TRIM59: variants seen among roughly 807,000 people sequenced by gnomAD.
TRIM59 encodes the protein tripartite motif containing 59.
Under a neutral mutation model 32.2 loss-of-function variants are expected in TRIM59, and 14 were observed. That is an observed-to-expected ratio of 0.43 (90% CI 0.29 to 0.68). TRIM59 has a LOEUF of 0.68. Ranked by LOEUF, TRIM59 falls within the 30% of genes least tolerant of loss-of-function variation. TRIM59 has a pLI of 0.15. For synonymous variants in TRIM59, 163 were observed against 155.1 expected (o/e 1.05, Z -0.38); for missense variants, 471 against 463.3 (o/e 1.02, Z -0.15).
intron 2 of TRIM59, among the ~76,000 whole-genome samples, chr3:160,444,146 G>A (rs553613221): frequency 4.6e-5 from 7 of 151,478 alleles, no homozygotes; most frequent in Non-Finnish European, 8.8e-5. Context: ...ATATTGAGGG[G>A]GAAAATAAGG....
chr3:160,447,953 C>A (rs1719619181), intron 2 of TRIM59: 1 of 152,038 alleles, frequency 6.6e-6, no homozygotes, highest in African/African-American at 2.4e-5. Context: ...CGCAGAAAGT[C>A]TGAGAAACAA....
rs1014470778 is a variant in TRIM59, at chr3:160,436,165, T to C, written c.*1807A>G. 3 of 1,024,260 alleles carry C rather than the reference T, an allele frequency of 2.9e-6. No individual in the cohort carries two copies. The highest frequency in any genetic ancestry group is 9.9e-5 in the East Asian group (1 of 10,098). 63.4% of individuals were successfully genotyped at this position (1,024,260 alleles called of 1,614,324 possible). On this transcript the variant is annotated 3_prime_UTR_variant, in exon 3 of 3. Transcript: ENST00000309784. ...GTCTGATTCTAATAATAAATTGATATAATACAGTCATCTTAGTGTTAAGAC... is the reference window on the plus strand; with the variant it reads ...GTCTGATTCTAATAATAAATTGATACAATACAGTCATCTTAGTGTTAAGAC...
At chr3:160,441,368 A>G (rs773719150) in intron 2 of TRIM59, among the ~76,000 whole-genome samples, 1 of 152,222 alleles carries the variant, frequency 6.6e-6, no homozygotes, top group Non-Finnish European at 1.5e-5. Flanking sequence ...CTGTGTTAAT[A>G]CAGATTTTTG....
At chr3:160,442,575 A>C (rs538806650) in intron 2 of TRIM59, among the ~76,000 whole-genome samples, 7 of 151,938 alleles carry the variant, frequency 4.6e-5, no homozygotes, top group African/African-American at 1.7e-4. Context: ...AAAAAATAGG[A>C]AGCAAAAATC....
intron 1 of TRIM59, chr3:160,449,477 C>T: frequency 8.4e-7 from 1 of 1,190,132 alleles, no homozygotes; most frequent in Non-Finnish European, 1.1e-6. Flanking sequence ...CTCACCCTCG[C>T]CACCACAGAG....
At chr3:160,445,718 G>A (rs1719493860) in intron 2 of TRIM59, among the ~76,000 whole-genome samples, 1 of 148,686 alleles carries the variant, frequency 6.7e-6, no homozygotes, top group African/African-American at 2.5e-5. Context: ...AGATTGCAGT[G>A]AGCTGAGATC....
chr3:160,448,129 AAT>A (rs1434872102), intron 2 of TRIM59, among the ~76,000 whole-genome samples: 1 of 152,200 alleles, frequency 6.6e-6, no homozygotes, highest in Non-Finnish European at 1.5e-5. Flanking sequence ...TAAACTAAAA[AAT>A]AAAAATAAAA....
In TRIM59 at chr3:160,437,952, A is replaced by G; in HGVS notation, c.*20T>C. ...GCAATGTACAGAATAAGCCCATTTA[A>G]ACAATTCAGGTTGACATTTTCAATG... On this transcript the variant is annotated 3_prime_UTR_variant, in exon 3 of 3. Coordinates refer to ENST00000309784, the MANE Select transcript of TRIM59 (RefSeq NM_173084.3). 6.6e-7 allele frequency: 1 copy of G among 1,526,682 alleles called. No homozygotes were observed. The highest frequency in any genetic ancestry group is 8.7e-7 in the Non-Finnish European group (1 of 1,143,386). The allele number at this position is 1,526,682 out of a possible 1,614,324, so 94.6% of individuals were successfully genotyped here.
intron 2 of TRIM59, among the ~76,000 whole-genome samples, chr3:160,445,169 C>T (rs986115855): frequency 5.3e-5 from 8 of 151,970 alleles, no homozygotes; most frequent in Admixed American, 5.2e-4. Flanking sequence ...AATCCCAGCA[C>T]TGTGGAAGGC....
intron 2 of TRIM59, among the ~76,000 whole-genome samples, chr3:160,439,907 C>T (rs985114799): frequency 6.6e-6 from 1 of 152,146 alleles, no homozygotes; most frequent in African/African-American, 2.4e-5. Flanking sequence ...AACATTTTAA[C>T]ATTTAAGATG....
chr3:160,438,491 C>T lies in TRIM59; in HGVS notation c.693G>A (p.Gln231=). ...TTGTCAGTGCCATTAATTCAAGCTG[C>T]TGCTCTCGTATTTCCTTCATTCTTT... ...QIERMKEIRE[Q]QLELMALTIS... The change falls in exon 3 of 3, where the codon CAG becomes CAA. Residue 231 remains glutamine (Q), a synonymous_variant. Transcript: ENST00000309784. 1 of 1,613,090 alleles carries T rather than the reference C, an allele frequency of 6.2e-7. No homozygotes were observed.
chr3:160,437,599 C>A lies in TRIM59; in HGVS notation c.*373G>T, dbSNP rs1301624436. ...CCACATCAAAATAAAGGTATATGTT[C>A]TTTCAGGATTTTGCTATATATATAA... On this transcript the variant is annotated 3_prime_UTR_variant, in exon 3 of 3. Transcript: ENST00000309784. 1 of 988,854 alleles carries A rather than the reference C, an allele frequency of 1.0e-6. No individual in the cohort carries two copies. The highest frequency in any genetic ancestry group is 1.2e-6 in the Non-Finnish European group (1 of 832,414). 61.3% of individuals were successfully genotyped at this position (988,854 alleles called of 1,614,324 possible).
At position 160,436,835 on chromosome 3, in the gene TRIM59, G is replaced by A. The variant is rs1481672964; in HGVS notation, c.*1137C>T. On this transcript the variant is annotated 3_prime_UTR_variant, in exon 3 of 3. Coordinates refer to ENST00000309784, the MANE Select transcript of TRIM59 (RefSeq NM_173084.3). The stretch of plus-strand genomic sequence containing the variant: ...AAAAAAAAAAAAAAAAGATTAAGTT[G>A]TTGGTACTTTTGCATTAGCTTAAGG... 1 of 354,196 alleles carries A rather than the reference G, an allele frequency of 2.8e-6. No homozygotes were observed. Among genetic ancestry groups the A allele is most frequent in the African/African-American group, 2.5e-5 (1 of 40,408 alleles). The allele number at this position is 354,196 out of a possible 1,614,324, so 21.9% of individuals were successfully genotyped here. A position where few individuals can be genotyped will look rare whatever the true frequency, so the allele number is the denominator to read the frequency against.
chr3:160,436,077 T>C lies in TRIM59; in HGVS notation c.*1895A>G, dbSNP rs1382710560. On this transcript the variant is annotated 3_prime_UTR_variant, in exon 3 of 3. Transcript: ENST00000309784. The stretch of plus-strand genomic sequence containing the variant: ...TCTCTAGCTGAGTATGTGTCTCTCC[T>C]TACCTCTACTATGCCCTTTAAATGT... 1 of 1,154,070 alleles carries C rather than the reference T, an allele frequency of 8.7e-7. No individual in the cohort carries two copies. Among genetic ancestry groups the C allele is most frequent in the Admixed American group, 4.1e-5 (1 of 24,336 alleles). The allele number at this position is 1,154,070 out of a possible 1,614,324, so 71.5% of individuals were successfully genotyped here.
intron 1 of TRIM59, 152 bp downstream of exon 1, chr3:160,449,565 G>A (rs1229146794): frequency 7.8e-7 from 1 of 1,287,258 alleles, no homozygotes. Context: ...TATGGGACAA[G>A]AGGGAATGAG....
At position 160,437,947 on chromosome 3, in the gene TRIM59, A is replaced by T. The variant is rs1719060189; in HGVS notation, c.*25T>A. 7 of 1,525,154 alleles carry T rather than the reference A, an allele frequency of 4.6e-6. No homozygotes were observed. In the African/African-American group the frequency reaches 9.7e-5, roughly 21 times the overall value. The allele number at this position is 1,525,154 out of a possible 1,614,324, so 94.5% of individuals were successfully genotyped here. A position where few individuals can be genotyped will look rare whatever the true frequency, so the allele number is the denominator to read the frequency against. ...GTTTAGCAATGTACAGAATAAGCCC[A>T]TTTAAACAATTCAGGTTGACATTTT... On this transcript the variant is annotated 3_prime_UTR_variant, in exon 3 of 3. Transcript: ENST00000309784.
At chr3:160,442,133 T>C (rs11706810) in intron 2 of TRIM59, among the ~76,000 whole-genome samples, 60,304 of 152,036 alleles carry the variant, frequency 0.4, 12,859 homozygotes, top group Non-Finnish European at 0.48. Flanking sequence ...AATCTAGATT[T>C]AATATTACTG....
At chr3:160,445,206 G>A (rs560018583) in intron 2 of TRIM59, among the ~76,000 whole-genome samples, 10 of 152,174 alleles carry the variant, frequency 6.6e-5, no homozygotes, top group Non-Finnish European at 8.8e-5. Flanking sequence ...CTTGAGCCCA[G>A]CAATTCGAGA....
At chr3:160,442,927 G>T (rs942356176) in intron 2 of TRIM59, among the ~76,000 whole-genome samples, 7 of 152,080 alleles carry the variant, frequency 4.6e-5, no homozygotes, top group African/African-American at 1.7e-4. Context: ...AGACCAACCT[G>T]GGCAACACCA....
Sources: allele counts gnomAD v4.1 joint callset (sites outside exome capture counted in the v4.1 genomes callset), GRCh38; gene constraint gnomAD v4.1.1; transcripts MANE v1.5; gene names NCBI Gene and HGNC (gene_info 2026-07-23, HGNC 2026-07-21).